The following MDGA2 variants were observed in gnomAD, a reference collection of about 807,000 sequenced individuals.
MDGA2 encodes the protein MAM domain-containing glycosylphosphatidylinositol anchor protein 2.
In MDGA2, 40 loss-of-function variants were observed where a neutral mutation model predicts 117.8. The observed-to-expected ratio is 0.34, with a 90% CI of 0.26 to 0.44. MDGA2 has a LOEUF of 0.44. Among genes scored for constraint, MDGA2 ranks in the 20% least tolerant of loss-of-function variants. MDGA2 has a pLI of 1.00. For synonymous variants in MDGA2, 452 were observed against 439.0 expected, an observed-to-expected ratio of 1.03 and a Z score of -0.37; for missense variants, 1,123 against 1,250.6, an observed-to-expected ratio of 0.90 and a Z score of 1.54.
At chr14:47,533,934 T>C (rs1175363529) in intron 1 of MDGA2, among the ~76,000 whole-genome samples, 1 of 152,192 alleles carries the variant, frequency 6.6e-6, no homozygotes, top group Non-Finnish European at 1.5e-5. Context: ...CTTATCATGA[T>C]AAATGCAGCT....
chr14:47,613,653 C>T (rs868745681), intron 1 of MDGA2, among the ~76,000 whole-genome samples: 1 of 152,050 alleles, frequency 6.6e-6, no homozygotes, highest in African/African-American at 2.4e-5. Context: ...ATGTTATCTG[C>T]ACATACATTT....
At chr14:46,904,734 G>A (rs1883424675) in intron 10 of MDGA2, among the ~76,000 whole-genome samples, 1 of 152,142 alleles carries the variant, frequency 6.6e-6, no homozygotes. Flanking sequence ...ATTTAAAGAA[G>A]TAGAAGTCCA....
chr14:47,133,662 G>A (rs1028738282), intron 4 of MDGA2, among the ~76,000 whole-genome samples: 3 of 151,864 alleles, frequency 2.0e-5, no homozygotes, highest in Non-Finnish European at 4.4e-5. Context: ...TGTCCATTCT[G>A]ATACTTCAGA....
intron 3 of MDGA2, among the ~76,000 whole-genome samples, chr14:47,198,927 T>C (rs920399479): frequency 6.6e-6 from 1 of 152,172 alleles, no homozygotes; most frequent in Admixed American, 6.5e-5. Context: ...TATTATTCTT[T>C]ATAATGTGAA....
At chr14:47,416,623 C>G (rs1272650575) in intron 1 of MDGA2, among the ~76,000 whole-genome samples, 1 of 152,126 alleles carries the variant, frequency 6.6e-6, no homozygotes, top group East Asian at 1.9e-4. Flanking sequence ...TTGGGATGGC[C>G]CTCTGAGTGA....
chr14:47,584,734 T>C (rs1041963842), intron 1 of MDGA2, among the ~76,000 whole-genome samples: 1 of 151,824 alleles, frequency 6.6e-6, no homozygotes, highest in African/African-American at 2.4e-5. Flanking sequence ...TTTTCCCTAC[T>C]AATAAAATTC....
intron 3 of MDGA2, among the ~76,000 whole-genome samples, chr14:47,158,543 C>T (rs1566656311): frequency 6.7e-6 from 1 of 149,930 alleles, no homozygotes; most frequent in Non-Finnish European, 1.5e-5. Flanking sequence ...TGCAGTGGCG[C>T]GATCTCGGCT....
chr14:47,669,478 G>A (rs1216728027), intron 1 of MDGA2, among the ~76,000 whole-genome samples: 1 of 152,142 alleles, frequency 6.6e-6, no homozygotes, highest in African/African-American at 2.4e-5. Flanking sequence ...GGCTTTCCCA[G>A]GGAAATATAG....
chr14:47,425,817 T>C (rs1892676926), intron 1 of MDGA2, among the ~76,000 whole-genome samples: 1 of 152,124 alleles, frequency 6.6e-6, no homozygotes. Context: ...TACCCAGCTT[T>C]CCTTTATGTA....
At chr14:46,901,513 T>C (rs1883285897) in intron 10 of MDGA2, among the ~76,000 whole-genome samples, 1 of 152,190 alleles carries the variant, frequency 6.6e-6, no homozygotes, top group Admixed American at 6.5e-5. Flanking sequence ...ATCAAACCTA[T>C]TCAGCTAAAG....
intron 1 of MDGA2, among the ~76,000 whole-genome samples, chr14:47,399,455 C>T (rs1359868543): frequency 6.6e-6 from 1 of 152,102 alleles, no homozygotes; most frequent in Non-Finnish European, 1.5e-5. Flanking sequence ...TCTGTATTCT[C>T]AAAATAACTA....
At chr14:47,484,720 G>A (rs1290475305) in intron 1 of MDGA2, among the ~76,000 whole-genome samples, 1 of 152,064 alleles carries the variant, frequency 6.6e-6, no homozygotes, top group Non-Finnish European at 1.5e-5. Flanking sequence ...TAAATCGTAG[G>A]GGCAGGTCTT....
chr14:47,397,659 AGATT>A (rs1892043547), intron 1 of MDGA2, among the ~76,000 whole-genome samples: 1 of 152,210 alleles, frequency 6.6e-6, no homozygotes, highest in African/African-American at 2.4e-5. Flanking sequence ...CTTTATAAAT[AGATT>A]ATCTCTATAA....
intron 1 of MDGA2, among the ~76,000 whole-genome samples, chr14:47,326,267 A>G (rs764798592): frequency 3.9e-4 from 59 of 152,122 alleles, no homozygotes; most frequent in Non-Finnish European, 7.4e-4. Flanking sequence ...TATATATTAT[A>G]TTATGCTTAA....
intron 9 of MDGA2, among the ~76,000 whole-genome samples, chr14:46,922,893 A>T (rs2138519465): frequency 6.6e-6 from 1 of 152,370 alleles, no homozygotes; most frequent in East Asian, 1.9e-4. Context: ...GCGAAGTAGG[A>T]TAGAATAATA....
At chr14:47,338,921 ACTGG>A (rs1012656581) in intron 1 of MDGA2, among the ~76,000 whole-genome samples, 6 of 152,092 alleles carry the variant, frequency 3.9e-5, no homozygotes, top group Non-Finnish European at 1.5e-5. Context: ...GTCCTTTCTA[ACTGG>A]CTCACAAAAT....
intron 7 of MDGA2, among the ~76,000 whole-genome samples, chr14:47,035,629 G>A (rs17117935): frequency 0.15 from 22,566 of 152,090 alleles, 1,901 homozygotes; most frequent in South Asian, 0.26. Context: ...TTTCATAGAA[G>A]AGTAGCATTC....
chr14:47,375,080 T>A (rs550237880), intron 1 of MDGA2, among the ~76,000 whole-genome samples: 1 of 151,254 alleles, frequency 6.6e-6, no homozygotes, highest in Non-Finnish European at 1.5e-5. Context: ...TCAAAACCTG[T>A]TTTTTTTAAT....
intron 2 of MDGA2, among the ~76,000 whole-genome samples, chr14:47,242,275 C>A (rs1173155131): frequency 6.6e-6 from 1 of 151,966 alleles, no homozygotes; most frequent in Non-Finnish European, 1.5e-5. Context: ...GAGGTGACAG[C>A]GTGCTGGCAG....
Sources: allele counts gnomAD v4.1 joint callset (sites outside exome capture counted in the v4.1 genomes callset), GRCh38; gene constraint gnomAD v4.1.1; transcripts MANE v1.5; gene names NCBI Gene and HGNC (gene_info 2026-07-23, HGNC 2026-07-21).